GSK3B: variants seen among roughly 807,000 people sequenced by gnomAD.
GSK3B encodes the protein glycogen synthase kinase 3 beta, also known as glycogen synthase kinase-3 beta.
In GSK3B, 15 loss-of-function variants were observed where a neutral mutation model predicts 56.4. The ratio of observed to expected loss-of-function variants is 0.27; its 90% CI spans 0.18 to 0.41. GSK3B has a LOEUF of 0.41. GSK3B is among the 10% of genes least tolerant of loss of function. The probability of loss-of-function intolerance (pLI) is 1.00; values close to 1 mark genes in which losing one functional copy is unlikely to be tolerated. For synonymous variants in GSK3B, 181 were observed against 188.9 expected, an observed-to-expected ratio of 0.96 and a Z score of 0.34; for missense variants, 300 against 513.4, an observed-to-expected ratio of 0.58 and a Z score of 4.02.
intron 4 of GSK3B, among the ~76,000 whole-genome samples, chr3:119,917,814 T>C (rs1335182430): frequency 6.6e-6 from 1 of 152,084 alleles, no homozygotes; most frequent in Non-Finnish European, 1.5e-5. Context: ...AAATATGCAA[T>C]ATTATATATT....
chr3:119,880,600 T>C (rs930100793), intron 7 of GSK3B, among the ~76,000 whole-genome samples: 1 of 152,176 alleles, frequency 6.6e-6, no homozygotes, highest in African/African-American at 2.4e-5. Context: ...TTCACTGATA[T>C]AAATCAAAAA....
At chr3:119,997,252 G>A (rs368716150) in intron 2 of GSK3B, among the ~76,000 whole-genome samples, 45 of 152,164 alleles carry the variant, frequency 3.0e-4, no homozygotes, top group East Asian at 1.9e-3. Flanking sequence ...CAAAACCAAC[G>A]GAGGAGGCAG....
chr3:119,990,052 A>T (rs1471792959), intron 2 of GSK3B, among the ~76,000 whole-genome samples: 1 of 152,154 alleles, frequency 6.6e-6, no homozygotes, highest in African/African-American at 2.4e-5. Flanking sequence ...AACTGCCTAA[A>T]TTCAAAGGGC....
intron 1 of GSK3B, among the ~76,000 whole-genome samples, chr3:120,080,603 T>C (rs926611659): frequency 2.0e-5 from 3 of 151,880 alleles, no homozygotes; most frequent in African/African-American, 4.8e-5. Context: ...GGCCAAAGCA[T>C]CCAGATCATT....
chr3:120,090,951 T>C (rs886301480), intron 1 of GSK3B, among the ~76,000 whole-genome samples: 2 of 152,186 alleles, frequency 1.3e-5, no homozygotes, highest in Non-Finnish European at 2.9e-5. Context: ...CTCACCATCA[T>C]TGTTCCTTGG....
At chr3:120,086,854 AT>A (rs995184967) in intron 1 of GSK3B, among the ~76,000 whole-genome samples, 2 of 152,118 alleles carry the variant, frequency 1.3e-5, no homozygotes, top group African/African-American at 4.8e-5. Context: ...TATCAGAATG[AT>A]TTACCCTGGA....
chr3:120,089,660 C>T (rs1404863954), intron 1 of GSK3B, among the ~76,000 whole-genome samples: 3 of 152,116 alleles, frequency 2.0e-5, no homozygotes, highest in Non-Finnish European at 4.4e-5. Flanking sequence ...ATTTCTAAAT[C>T]TTATATTTAA....
intron 2 of GSK3B, among the ~76,000 whole-genome samples, chr3:119,949,689 A>G (rs991927229): frequency 6.7e-6 from 1 of 149,330 alleles, no homozygotes; most frequent in African/African-American, 2.5e-5. Context: ...ATACAATCAG[A>G]TTTACCTTTC....
At chr3:120,029,324 C>T (rs536548599) in intron 1 of GSK3B, 14 of 743,538 alleles carry the variant, frequency 1.9e-5, no homozygotes, top group African/African-American at 1.0e-4. Context: ...TCAGATATTT[C>T]GCATCTAATC....
chr3:119,980,925 G>C (rs370430913), intron 2 of GSK3B, among the ~76,000 whole-genome samples: 2 of 152,146 alleles, frequency 1.3e-5, no homozygotes, highest in African/African-American at 4.8e-5. Flanking sequence ...AGAAAGTTGA[G>C]GCATGTCAAG....
At chr3:119,966,992 A>AATG (rs2057324023) in intron 2 of GSK3B, among the ~76,000 whole-genome samples, 1 of 152,234 alleles carries the variant, frequency 6.6e-6, no homozygotes, top group South Asian at 2.1e-4. Context: ...GACAATCTAT[A>AATG]ATCATGGATT....
At chr3:120,009,076 T>A (rs1015695447) in intron 1 of GSK3B, among the ~76,000 whole-genome samples, 1 of 152,006 alleles carries the variant, frequency 6.6e-6, no homozygotes, top group Admixed American at 6.5e-5. Flanking sequence ...AACAGACATA[T>A]GAAAAAATGC....
chr3:120,061,367 A>G (rs2058235260), intron 1 of GSK3B, among the ~76,000 whole-genome samples: 1 of 152,248 alleles, frequency 6.6e-6, no homozygotes, highest in Non-Finnish European at 1.5e-5. Flanking sequence ...ATTCTCACAA[A>G]TTCTCTAGAT....
At chr3:119,895,014 G>A (rs778860206) in intron 7 of GSK3B, among the ~76,000 whole-genome samples, 79 of 152,122 alleles carry the variant, frequency 5.2e-4, no homozygotes, top group African/African-American at 1.1e-3. Flanking sequence ...TTAACATACC[G>A]ATTACATTAA....
rs778692711 is a variant in GSK3B, at chr3:119,923,448, A to G, written c.402T>C (p.Tyr134=). Residue 134 remains tyrosine, a synonymous_variant, in exon 4 of 11, where the codon TAT becomes TAC. Transcript: ENST00000264235. The stretch of plus-strand genomic sequence containing the variant: ...CAACTCTGTATACTGTTTCCGGAAC[A>G]TAGTCCAGCACCAGATTAAGATAGA... ...DEVYLNLVLD[Y]VPETVYRVAR... is the part of the protein sequence containing the mutation. 6.2e-7 allele frequency: 1 copy of G among 1,602,932 alleles called. No individual in the cohort carries two copies. Among genetic ancestry groups the G allele is most frequent in the South Asian group, 1.1e-5 (1 of 90,188 alleles).
intron 10 of GSK3B, among the ~76,000 whole-genome samples, 156 bp downstream of exon 10, chr3:119,843,099 G>A (rs2055800547): frequency 6.6e-6 from 1 of 152,016 alleles, no homozygotes; most frequent in Admixed American, 6.5e-5. Flanking sequence ...ATTTTTAGTA[G>A]AGACAAGGTT....
intron 4 of GSK3B, among the ~76,000 whole-genome samples, chr3:119,916,607 A>G (rs983395272): frequency 6.6e-6 from 1 of 152,156 alleles, no homozygotes; most frequent in Non-Finnish European, 1.5e-5. Flanking sequence ...TTTCTAGTAG[A>G]GCATGCTGCT....
At chr3:120,025,689 T>G (rs1417569968) in intron 1 of GSK3B, among the ~76,000 whole-genome samples, 2 of 152,094 alleles carry the variant, frequency 1.3e-5, no homozygotes, top group Admixed American at 1.3e-4. Context: ...GTGGTTAAAC[T>G]CAAGGATAAA....
intron 3 of GSK3B, among the ~76,000 whole-genome samples, chr3:119,925,948 C>A (rs1228437205): frequency 6.6e-6 from 1 of 152,208 alleles, no homozygotes; most frequent in Non-Finnish European, 1.5e-5. Context: ...TTGGAAAAGT[C>A]AATCACGTTC....
Sources: gnomAD v4.1 joint callset for allele counts (sites outside exome capture counted in the v4.1 genomes callset) on GRCh38, gnomAD v4.1.1 for gene constraint, MANE v1.5 for transcripts, NCBI Gene and HGNC (gene_info 2026-07-23, HGNC 2026-07-21) for gene names.